PALS1: variants seen among roughly 807,000 people sequenced by gnomAD.
PALS1 encodes the protein protein associated with LIN7 1, MAGUK p55 family member.
PALS1 carries 31 observed loss-of-function variants against 78.9 expected under a neutral mutation model. That is an observed-to-expected ratio of 0.39 (90% CI 0.30 to 0.53). The LOEUF (loss-of-function observed/expected upper bound fraction) is 0.53, where lower values mean the gene tolerates loss of function less well. Among genes scored for constraint, PALS1 ranks in the 20% least tolerant of loss-of-function variants. The pLI, the probability that PALS1 is intolerant of heterozygous loss-of-function variation, is 0.67. For synonymous variants in PALS1, 276 were observed against 270.9 expected, an observed-to-expected ratio of 1.02 and a Z score of -0.18; for missense variants, 704 against 826.5, an observed-to-expected ratio of 0.85 and a Z score of 1.82.
intron 1 of PALS1, among the ~76,000 whole-genome samples, chr14:67,243,890 G>T (rs2083944570): frequency 6.6e-6 from 1 of 152,118 alleles, no homozygotes; most frequent in South Asian, 2.1e-4. Context: ...CATTTTCCAT[G>T]AAAAAGAAAG....
In PALS1 at chr14:67,323,755, A is replaced by AC. The variant is rs746282512; in HGVS notation, c.1799dup (p.Ser601PhefsTer19). 1 of 1,605,998 alleles carries AC rather than the reference A, an allele frequency of 6.2e-7. No individual in the cohort carries two copies. Among genetic ancestry groups the AC allele is most frequent in the Non-Finnish European group, 8.5e-7 (1 of 1,177,102 alleles). On this transcript the variant is annotated frameshift_variant, in exon 14 of 15. Coordinates refer to ENST00000261681, the MANE Select transcript of PALS1 (RefSeq NM_022474.4). LOFTEE classifies it high-confidence loss of function. ...TGAAACCATATATTATCTTCATTGCACCCCCTTCACAAGAAAGACTTCGGG... is the reference window on the plus strand; with the variant it reads ...TGAAACCATATATTATCTTCATTGCACCCCCCTTCACAAGAAAGACTTCGGG...
intron 14 of PALS1, among the ~76,000 whole-genome samples, chr14:67,326,221 ATTTTTTTTTTTTTTTTTTTTTT>A (rs760127048): frequency 3.9e-4 from 5 of 12,894 alleles, no homozygotes; most frequent in Admixed American, 1.1e-3. Context: ...TTTAGGTCTG[ATTTTTTTTTTTTTTTTTTTTTT>A]TTTTTTTTTT....
At chr14:67,245,749 A>G (rs899867127) in intron 1 of PALS1, among the ~76,000 whole-genome samples, 6 of 152,102 alleles carry the variant, frequency 3.9e-5, no homozygotes, top group African/African-American at 1.2e-4. Context: ...ATACTTCATT[A>G]CTTTTGAAGT....
intron 1 of PALS1, among the ~76,000 whole-genome samples, chr14:67,265,477 G>T (rs914939007): frequency 2.0e-5 from 3 of 152,138 alleles, no homozygotes; most frequent in African/African-American, 4.8e-5. Context: ...GGTTGCATGA[G>T]CCAGGAGTTT....
intron 1 of PALS1, among the ~76,000 whole-genome samples, chr14:67,244,210 G>A (rs1376302410): frequency 6.6e-6 from 1 of 152,090 alleles, no homozygotes; most frequent in African/African-American, 2.4e-5. Flanking sequence ...GAATATCTTT[G>A]TGTATGTCTC....
intron 4 of PALS1, among the ~76,000 whole-genome samples, chr14:67,297,599 G>A (rs1251637243): frequency 6.6e-6 from 1 of 152,188 alleles, no homozygotes; most frequent in Non-Finnish European, 1.5e-5. Context: ...TGGAAAGTCA[G>A]TGGAAACAGA....
In PALS1 at chr14:67,321,188, G is replaced by A; in HGVS notation, c.1669G>A (p.Gly557Arg). Reference sequence around the variant, plus strand: ...TGGTGAATTTGAGAAGAATTTGTATGGAACTAGCATAGATTCTGTACGGCA... The same window carrying A: ...TGGTGAATTTGAGAAGAATTTGTATAGAACTAGCATAGATTCTGTACGGCA... ...EHGEFEKNLYGTSIDSVRQVI... is the reference protein window; with the variant it reads ...EHGEFEKNLYRTSIDSVRQVI... The change falls in exon 13 of 15, where the codon GGA becomes AGA. Residue 557 changes from glycine (G) to arginine (R), a missense_variant. Physicochemically the swap from Gly to Arg is moderately radical, Grantham distance 125. Transcript: ENST00000261681. 6.2e-7 allele frequency: 1 copy of A among 1,614,156 alleles called. No homozygotes were observed. The highest frequency in any genetic ancestry group is 8.5e-7 in the Non-Finnish European group (1 of 1,180,022).
At chr14:67,302,241 A>C in intron 6 of PALS1, 123 bp downstream of exon 6, 1 of 1,205,054 alleles carries the variant, frequency 8.3e-7, no homozygotes, top group Non-Finnish European at 1.1e-6. Context: ...TGTGGGGGAA[A>C]TGGTCAACTT....
intron 1 of PALS1, among the ~76,000 whole-genome samples, chr14:67,267,994 G>A (rs1219510908): frequency 6.6e-6 from 1 of 152,140 alleles, no homozygotes; most frequent in Non-Finnish European, 1.5e-5. Context: ...GAAGGATAGT[G>A]TGTGGTTTTA....
chr14:67,283,785 T>A (rs2084637357), intron 3 of PALS1, among the ~76,000 whole-genome samples: 1 of 152,212 alleles, frequency 6.6e-6, no homozygotes. Flanking sequence ...TACACATAAT[T>A]CTATAGAAAA....
chr14:67,295,342 T>C (rs1359339914), intron 4 of PALS1, among the ~76,000 whole-genome samples: 3 of 151,506 alleles, frequency 2.0e-5, no homozygotes, highest in Non-Finnish European at 4.4e-5. Context: ...ATACAAAAAT[T>C]AGCTGGCTGT....
chr14:67,286,223 C>T (rs2084684680), intron 3 of PALS1, among the ~76,000 whole-genome samples: 2 of 152,172 alleles, frequency 1.3e-5, no homozygotes, highest in South Asian at 4.1e-4. Flanking sequence ...TTGTCCACTC[C>T]CAACCTAGCA....
intron 4 of PALS1, among the ~76,000 whole-genome samples, chr14:67,293,918 A>G (rs1380395224): frequency 6.6e-6 from 1 of 152,198 alleles, no homozygotes; most frequent in Non-Finnish European, 1.5e-5. Flanking sequence ...ACAGATCACA[A>G]TTGCTCCAAT....
chr14:67,246,714 G>A (rs1028351835), intron 1 of PALS1, among the ~76,000 whole-genome samples: 5 of 139,616 alleles, frequency 3.6e-5, no homozygotes, highest in Middle Eastern at 4.1e-3. Flanking sequence ...GCAGTGGCAC[G>A]ATATCAGCTC....
rs1379314958 is a variant in PALS1 at position 67,299,468 on chromosome 14, AT to A, written c.577-1920del. Reference sequence around the variant, plus strand: ...ATACATCATTTTTATAATTAAAAAAATAATTAGTTTTAAAATACAAAAGGGT... The same window carrying A: ...ATACATCATTTTTATAATTAAAAAAAAATTAGTTTTAAAATACAAAAGGGT... On this transcript the variant is annotated intron_variant, in intron 4 of 14. Coordinates refer to ENST00000261681, the MANE Select transcript of PALS1 (RefSeq NM_022474.4). Among the ~76,000 whole-genome samples the A allele has an allele frequency of 2.6e-5, 4 of 152,236 alleles. No homozygotes were observed. The East Asian group carries it at 5.8e-4, about 22-fold the overall frequency.
At chr14:67,330,755 C>A (rs975553059) in intron 14 of PALS1, among the ~76,000 whole-genome samples, 1 of 152,062 alleles carries the variant, frequency 6.6e-6, no homozygotes, top group Non-Finnish European at 1.5e-5. Flanking sequence ...CCCGGCACCC[C>A]GCTTCCTTGT....
At chr14:67,311,744 TTC>T (rs1237046286) in intron 8 of PALS1, among the ~76,000 whole-genome samples, 2 of 152,228 alleles carry the variant, frequency 1.3e-5, no homozygotes, top group African/African-American at 4.8e-5. Context: ...CTTTGATTTA[TTC>T]TGATTTCCAA....
At chr14:67,251,395 TG>T (rs1370808968) in intron 1 of PALS1, among the ~76,000 whole-genome samples, 1 of 152,084 alleles carries the variant, frequency 6.6e-6, no homozygotes, top group Non-Finnish European at 1.5e-5. Flanking sequence ...TAGCTGGACT[TG>T]GTGGTGTGTG....
chr14:67,241,913 G>T (rs2083911811), intron 1 of PALS1: 1 of 152,198 alleles, frequency 6.6e-6, no homozygotes, highest in Non-Finnish European at 1.5e-5. Context: ...CCGGGTCTGG[G>T]AAATCGGCGA....
Sources: allele counts gnomAD v4.1 joint callset (sites outside exome capture counted in the v4.1 genomes callset), GRCh38; gene constraint gnomAD v4.1.1; transcripts MANE v1.5; gene names NCBI Gene and HGNC (gene_info 2026-07-23, HGNC 2026-07-21).